The following EPGN variants were observed in gnomAD, a reference collection of about 807,000 sequenced individuals.
EPGN encodes epigen.
In EPGN, 21 loss-of-function variants were observed where a neutral mutation model predicts 20.7. That is an observed-to-expected ratio of 1.01 (90% CI 0.72 to 1.46). The LOEUF (loss-of-function observed/expected upper bound fraction) is 1.46. EPGN is among the 40% of genes most tolerant of loss of function. The probability of loss-of-function intolerance (pLI) is 0.00; values close to 1 mark genes in which losing one functional copy is unlikely to be tolerated. For synonymous variants in EPGN, 69 were observed against 63.8 expected, an observed-to-expected ratio of 1.08 and a Z score of -0.39; for missense variants, 199 against 180.7, an observed-to-expected ratio of 1.10 and a Z score of -0.58.
intron 4 of EPGN, chr4:74,314,329 A>G: frequency 1.7e-6 from 1 of 572,556 alleles, no homozygotes; most frequent in Non-Finnish European, 3.2e-6. Context: ...CATGTGGGGT[A>G]AGGAACAGGG....
rs1751216160 is a variant in EPGN at position 74,315,266 on chromosome 4, G to A, written c.*629G>A. On this transcript the variant is annotated 3_prime_UTR_variant, in exon 5 of 5. Transcript: ENST00000413830. ...CATACACAGCTTGTAACAACATACA[G>A]CCTTTCTATGTGAAATAATGGAATA... 6.6e-6 allele frequency: 1 copy of A among 152,348 alleles called. No homozygotes were observed. Among genetic ancestry groups the A allele is most frequent in the Non-Finnish European group, 1.5e-5 (1 of 68,160 alleles). The allele number at this position is 152,348 out of a possible 1,614,324, so 9.4% of individuals were successfully genotyped here.
In EPGN at chr4:74,313,007, T is replaced by A; in HGVS notation, c.255-11T>A. 1 of 1,575,288 alleles carries A rather than the reference T, an allele frequency of 6.3e-7. No individual in the cohort carries two copies. Among genetic ancestry groups the A allele is most frequent in the Non-Finnish European group, 8.5e-7 (1 of 1,169,912 alleles). On this transcript the variant is annotated splice_polypyrimidine_tract_variant and intron_variant, in intron 3 of 4. Transcript: ENST00000413830. Reference sequence around the variant, plus strand: ...AGGTTTTAAAATTAAACTTTTTTTCTTTTTTTAAAGGTGTTTTACTGGTTA... The same window carrying A: ...AGGTTTTAAAATTAAACTTTTTTTCATTTTTTAAAGGTGTTTTACTGGTTA...
chr4:74,312,674 A>G (rs1016787671), intron 3 of EPGN, among the ~76,000 whole-genome samples: 1 of 152,184 alleles, frequency 6.6e-6, no homozygotes, highest in Non-Finnish European at 1.5e-5. Context: ...TAAGGCAAAA[A>G]CATTACAGGA....
In EPGN at chr4:74,314,606, A is replaced by T. The variant is rs1017984600; in HGVS notation, c.434A>T (p.Asn145Ile). 2.5e-4 allele frequency: 378 copies of T among 1,535,926 alleles called. No individual in the cohort carries two copies. The highest frequency in any genetic ancestry group is 3.1e-4 in the Non-Finnish European group (356 of 1,146,844). ...KRCLKLKSPY[N>I]VCSGERRPL ...TGTCTAAAATTGAAATCGCCTTACA[A>T]TGTCTGTTCTGGAGAAAGACGACCA... The change falls in exon 5 of 5, where the codon AAT (asparagine) becomes ATT (isoleucine). Residue 145 changes from asparagine (N) to isoleucine (I), a missense_variant. Coordinates refer to ENST00000413830, the MANE Select transcript of EPGN (RefSeq NM_001270989.2).
Position 74,308,488 on chromosome 4 carries a change from G to A in EPGN, c.-46G>A, listed in dbSNP as rs372137371. Reference sequence around the variant, plus strand: ...AGAGCTCAATAAAAACCTTCCACCCGTCAGTCTAGAAGGATAAGAGAAAGA... The same window carrying A: ...AGAGCTCAATAAAAACCTTCCACCCATCAGTCTAGAAGGATAAGAGAAAGA... On this transcript the variant is annotated 5_prime_UTR_variant, in exon 1 of 5. Transcript: ENST00000413830. 5.8e-5 allele frequency: 87 copies of A among 1,507,438 alleles called. No individual in the cohort carries two copies. The highest frequency in any genetic ancestry group is 1.8e-4 in the Middle Eastern group (1 of 5,706). 93.4% of individuals were successfully genotyped at this position (1,507,438 alleles called of 1,614,324 possible).
At chr4:74,314,433 A>G (rs1751164598) in intron 4 of EPGN, 147 bp from the exon 5 acceptor site, 1 of 731,106 alleles carries the variant, frequency 1.4e-6, no homozygotes, top group Admixed American at 2.5e-5. Flanking sequence ...GTTAATGCCC[A>G]CAGCTGCTGA....
chr4:74,309,089 A>T lies in EPGN; in HGVS notation c.44-4A>T, dbSNP rs781018762. The stretch of plus-strand genomic sequence containing the variant: ...TTAAAGATGCTTTTGCCCCCTTAAT[A>T]CAGCAATGACAGCACTGACCGAAGA... On this transcript the variant is annotated splice_polypyrimidine_tract_variant and splice_region_variant and intron_variant, in intron 1 of 4. Coordinates refer to ENST00000413830, the MANE Select transcript of EPGN (RefSeq NM_001270989.2). 7 of 1,611,250 alleles carry T rather than the reference A, an allele frequency of 4.3e-6. No individual in the cohort carries two copies. The highest frequency in any genetic ancestry group is 1.3e-5 in the African/African-American group (1 of 74,996).
intron 2 of EPGN, among the ~76,000 whole-genome samples, chr4:74,311,966 T>C (rs1199211488): frequency 6.6e-6 from 1 of 152,144 alleles, no homozygotes; most frequent in East Asian, 1.9e-4. Flanking sequence ...CAATCATCAA[T>C]CCACCTCCAT....
rs553200798 is a variant in EPGN at position 74,315,813 on chromosome 4, G to A, written c.*1176G>A. Among the ~76,000 whole-genome samples, 505 of 151,966 alleles carry A rather than the reference G, an allele frequency of 3.3e-3. 2 individuals are homozygous for A. The highest frequency in any genetic ancestry group is 0.012 in the African/African-American group (485 of 41,438). On this transcript the variant is annotated 3_prime_UTR_variant, in exon 5 of 5. Coordinates refer to ENST00000413830, the MANE Select transcript of EPGN (RefSeq NM_001270989.2). ...CTAAAAATACAAAAATTAGCTGGGC[G>A]TGGTGGTGCATGCCTGTAATCCCAG...
rs943934181 is a variant in EPGN, at chr4:74,315,061, C to T, written c.*424C>T. On this transcript the variant is annotated 3_prime_UTR_variant, in exon 5 of 5. Coordinates refer to ENST00000413830, the MANE Select transcript of EPGN (RefSeq NM_001270989.2). ...AGCGTTTTTTACCACCTAGATGGGC[C>T]TCTCTAAGTCTATTTGCTCAATGAA... is the stretch of plus-strand genomic sequence containing the variant. The T allele has an allele frequency of 3.6e-5, 6 of 168,368 alleles. No homozygotes were observed. The highest frequency in any genetic ancestry group is 7.6e-5 in the Non-Finnish European group (6 of 78,864). The allele number at this position is 168,368 out of a possible 1,614,324, so 10.4% of individuals were successfully genotyped here. A position where few individuals can be genotyped will look rare whatever the true frequency, so the allele number is the denominator to read the frequency against.
chr4:74,315,718 G>A lies in EPGN; in HGVS notation c.*1081G>A, dbSNP rs1478796483. 1.3e-5 allele frequency among the ~76,000 whole-genome samples: 2 copies of A among 152,200 alleles called. No homozygotes were observed. Among genetic ancestry groups the A allele is most frequent in the Admixed American group, 6.5e-5 (1 of 15,286 alleles). On this transcript the variant is annotated 3_prime_UTR_variant, in exon 5 of 5. Coordinates refer to ENST00000413830, the MANE Select transcript of EPGN (RefSeq NM_001270989.2). Reference sequence around the variant, plus strand: ...TGTAATCCTAGCACTTTGGGAGGCCGAGGCGGATGGAGCACCTGAGGTCAG... The same window carrying A: ...TGTAATCCTAGCACTTTGGGAGGCCAAGGCGGATGGAGCACCTGAGGTCAG...
intron 2 of EPGN, among the ~76,000 whole-genome samples, chr4:74,310,165 G>T (rs1750809376): frequency 6.6e-6 from 1 of 151,934 alleles, no homozygotes; most frequent in Non-Finnish European, 1.5e-5. Flanking sequence ...ATTATATTCA[G>T]TACTATATTA....
intron 4 of EPGN, chr4:74,313,452 G>T: frequency 7.8e-7 from 1 of 1,274,340 alleles, no homozygotes; most frequent in Non-Finnish European, 9.8e-7. Flanking sequence ...GAGGAGGACA[G>T]CAGGCCCCAA....
chr4:74,309,376 GA>G (rs1560578090), intron 2 of EPGN, among the ~76,000 whole-genome samples, 194 bp downstream of exon 2: 1 of 152,200 alleles, frequency 6.6e-6, no homozygotes, highest in African/African-American at 2.4e-5. Flanking sequence ...TTAAAAGGAG[GA>G]AGTTAAGCAA....
At chr4:74,313,251 C>A in intron 4 of EPGN, 81 bp downstream of exon 4, 1 of 1,464,038 alleles carries the variant, frequency 6.8e-7, no homozygotes. Context: ...ATGTGTCAGG[C>A]ACTGACATGT....
chr4:74,314,677 T>A lies in EPGN; in HGVS notation c.*40T>A. 2 of 1,514,638 alleles carry A rather than the reference T, an allele frequency of 1.3e-6. No individual in the cohort carries two copies. Among genetic ancestry groups the A allele is most frequent in the Non-Finnish European group, 1.8e-6 (2 of 1,131,332 alleles). 93.8% of individuals were successfully genotyped at this position (1,514,638 alleles called of 1,614,324 possible). On this transcript the variant is annotated 3_prime_UTR_variant, in exon 5 of 5. Transcript: ENST00000413830. ...ATTTTCATCAAGGCATCTGTAGAGA[T>A]CAGTGAGCCCAAAATTAAAGTTTTC...
In EPGN at chr4:74,313,018, G is replaced by T. The variant is rs535933465; in HGVS notation, c.255G>T (p.Arg85Ser). 132 of 1,589,540 alleles carry T rather than the reference G, an allele frequency of 8.3e-5. No individual in the cohort carries two copies. Among genetic ancestry groups the T allele is most frequent in the Non-Finnish European group, 1.1e-4 (126 of 1,173,788 alleles). Reference sequence around the variant, plus strand: ...TTAAACTTTTTTTCTTTTTTTAAAGGTGTTTTACTGGTTATACTGGAGAAA... The same window carrying T: ...TTAAACTTTTTTTCTTTTTTTAAAGTTGTTTTACTGGTTATACTGGAGAAA... The part of the protein sequence containing the change: ...FHHELEKAIC[R>S]CFTGYTGERC... The change falls in exon 4 of 5, where the codon AGG becomes AGT. Residue 85 changes from arginine to serine, a missense_variant and splice_region_variant. Physicochemically the swap from Arg to Ser is moderately radical, Grantham distance 110. Transcript: ENST00000413830.
rs774712005 is a variant in EPGN, at chr4:74,308,521, G to A, written c.-13G>A. The A allele has an allele frequency of 2.2e-5, 35 of 1,605,882 alleles. No homozygotes were observed. The African/African-American group carries it at 4.0e-4, about 18-fold the overall frequency. On this transcript the variant is annotated 5_prime_UTR_variant, in exon 1 of 5. Transcript: ENST00000413830. The stretch of plus-strand genomic sequence containing the variant: ...AGAAGGATAAGAGAAAGAAAGTTAA[G>A]CAACTACAGGAAATGGCTTTGGGAG...
chr4:74,312,263 G>C lies in EPGN; in HGVS notation c.212G>C (p.Gly71Ala). 2 of 1,613,198 alleles carry C rather than the reference G, an allele frequency of 1.2e-6. No homozygotes were observed. Among genetic ancestry groups the C allele is most frequent in the East Asian group, 4.5e-5 (2 of 44,820 alleles). The change falls in exon 3 of 5, where the codon GGT (glycine) becomes GCT (alanine). Residue 71 changes from glycine (G) to alanine (A), a missense_variant. Coordinates refer to ENST00000413830, the MANE Select transcript of EPGN (RefSeq NM_001270989.2). ...LEDHNSYCIN[G>A]ACAFHHELEK... ...GATCATAACAGTTACTGCATCAACG[G>C]TGCTTGTGCATTCCACCATGAGCTA...
Sources: gnomAD v4.1 joint callset for allele counts (sites outside exome capture counted in the v4.1 genomes callset) on GRCh38, gnomAD v4.1.1 for gene constraint, MANE v1.5 for transcripts, NCBI Gene and HGNC (gene_info 2026-07-23, HGNC 2026-07-21) for gene names.